The following EDARADD variants were observed in gnomAD, a reference collection of about 807,000 sequenced individuals.
The protein encoded by EDARADD is EDAR associated via death domain, also known as ectodysplasin-A receptor-associated adapter protein.
A neutral mutation model predicts 25.6 loss-of-function variants in EDARADD; 20 were observed. The ratio of observed to expected loss-of-function variants is 0.78; its 90% CI spans 0.55 to 1.14. The LOEUF (loss-of-function observed/expected upper bound fraction) is 1.14. Among genes scored for constraint, EDARADD ranks in the 50% most tolerant of loss-of-function variants. The pLI, the probability that EDARADD is intolerant of heterozygous loss-of-function variation, is 0.00. For missense variants in EDARADD, 225 were observed against 270.1 expected (o/e 0.83, Z 1.17); for synonymous variants, 86 against 94.4 (o/e 0.91, Z 0.52).
chr1:236,418,204 C>T lies in EDARADD; in HGVS notation c.160+3905C>T, dbSNP rs865840857. On this transcript the variant is annotated intron_variant, in intron 3 of 5. Coordinates refer to ENST00000334232, the MANE Select transcript of EDARADD (RefSeq NM_145861.4). ...TCCTGACTTCATGATCCACCTGCCT[C>T]GGCCTCCCAAAGTGCTGGGATTACA... is the stretch of plus-strand genomic sequence containing the variant. 5.3e-5 allele frequency among the ~76,000 whole-genome samples: 8 copies of T among 151,656 alleles called. No homozygotes were observed. In the South Asian group the frequency reaches 1.0e-3, roughly 20 times the overall value.
chr1:236,469,400 G>T (rs896284420), intron 5 of EDARADD, among the ~76,000 whole-genome samples: 3 of 152,148 alleles, frequency 2.0e-5, no homozygotes, highest in Non-Finnish European at 4.4e-5. Context: ...TTGAACCCGG[G>T]AGGCAAAGAT....
chr1:236,434,528 C>G (rs1658190836), intron 4 of EDARADD, among the ~76,000 whole-genome samples: 1 of 152,246 alleles, frequency 6.6e-6, no homozygotes, highest in South Asian at 2.1e-4. Context: ...GCGTGAGCCA[C>G]TGTGCCTGGC....
intron 4 of EDARADD, among the ~76,000 whole-genome samples, chr1:236,432,810 A>G (rs1458222500): frequency 1.3e-5 from 2 of 152,132 alleles, no homozygotes; most frequent in Non-Finnish European, 1.5e-5. Context: ...GCTTGAACTC[A>G]GGAGAGGAAG....
intron 4 of EDARADD, among the ~76,000 whole-genome samples, chr1:236,464,776 C>T (rs1455565942): frequency 6.6e-6 from 1 of 152,124 alleles, no homozygotes; most frequent in Non-Finnish European, 1.5e-5. Context: ...TTTTCTTCCC[C>T]TCTCTGACCT....
intron 3 of EDARADD, among the ~76,000 whole-genome samples, chr1:236,415,671 CT>C: frequency 1.3e-5 from 2 of 152,286 alleles, no homozygotes; most frequent in East Asian, 3.9e-4. Flanking sequence ...TCTTGAACTC[CT>C]GACCTCAGAT....
intron 4 of EDARADD, among the ~76,000 whole-genome samples, chr1:236,433,865 A>G (rs1658172373): frequency 7.0e-6 from 1 of 142,192 alleles, no homozygotes; most frequent in Admixed American, 7.4e-5. Flanking sequence ...GTGAGACTCC[A>G]TCTCAAAAAT....
chr1:236,393,445 G>A (rs540233563), upstream of EDARADD, among the ~76,000 whole-genome samples: 2 of 127,384 alleles, frequency 1.6e-5, no homozygotes, highest in Non-Finnish European at 3.1e-5. Context: ...GCCCAGGCTG[G>A]AGTGCCGTGG....
chr1:236,353,190 C>T (rs1311176201), intron 3 of EDARADD, among the ~76,000 whole-genome samples: 2 of 152,146 alleles, frequency 1.3e-5, no homozygotes, highest in African/African-American at 4.8e-5. Context: ...TCATCCCCCA[C>T]AGACCTGGGA....
intron 2 of EDARADD, among the ~76,000 whole-genome samples, chr1:236,411,836 C>A (rs974978097): frequency 6.6e-5 from 10 of 152,214 alleles, no homozygotes. Flanking sequence ...CAGGCGTGAG[C>A]CACCATGCCT....
At chr1:236,423,594 A>G (rs768474711) in intron 3 of EDARADD, among the ~76,000 whole-genome samples, 4 of 152,202 alleles carry the variant, frequency 2.6e-5, no homozygotes, top group Non-Finnish European at 2.9e-5. Flanking sequence ...GGCTCTTGAA[A>G]TGCCCCATGG....
chr1:236,382,895 G>A (rs1009761708), intron 3 of EDARADD, among the ~76,000 whole-genome samples: 17 of 152,048 alleles, frequency 1.1e-4, no homozygotes, highest in Non-Finnish European at 1.2e-4. Flanking sequence ...GGATGCATGC[G>A]CTGATCAATA....
chr1:236,429,218 G>GTTTTTTTTTTTTTT (rs1558121753), intron 4 of EDARADD, among the ~76,000 whole-genome samples: 1 of 121,222 alleles, frequency 8.2e-6, no homozygotes, highest in African/African-American at 3.2e-5. Flanking sequence ...GAGAGGGAGA[G>GTTTTTTTTTTTTTT]ATTTTTTTTT....
chr1:236,368,297 T>C (rs2102992921), intron 3 of EDARADD, among the ~76,000 whole-genome samples: 1 of 152,274 alleles, frequency 6.6e-6, no homozygotes, highest in African/African-American at 2.4e-5. Context: ...TTCCACCTCT[T>C]TCCAACCTTA....
At chr1:236,447,223 TCCTTTCTTTCCTTTCTTTCCTTTCTTTC>T (rs1558127478) in intron 4 of EDARADD, among the ~76,000 whole-genome samples, 16 of 39,828 alleles carry the variant, frequency 4.0e-4, no homozygotes, top group African/African-American at 9.6e-4. Context: ...TTTCTTTCTT[TCCTTTCTTTCCTTTCTTTCCTTTCTTTC>T]CTTTCTTTCT....
intron 3 of EDARADD, among the ~76,000 whole-genome samples, chr1:236,359,696 C>T (rs188891189): frequency 3.5e-4 from 54 of 152,264 alleles, no homozygotes; most frequent in Admixed American, 7.9e-4. Context: ...AGAGAGAGCT[C>T]GTGCAGGGGA....
intron 3 of EDARADD, among the ~76,000 whole-genome samples, chr1:236,359,794 T>G (rs2102991094): frequency 6.6e-6 from 1 of 152,274 alleles, no homozygotes; most frequent in East Asian, 1.9e-4. Flanking sequence ...ATGATTCAGT[T>G]ACCTCCTACA....
At chr1:236,375,931 G>C (rs1667218903) in intron 3 of EDARADD, among the ~76,000 whole-genome samples, 1 of 140,264 alleles carries the variant, frequency 7.1e-6, no homozygotes, top group Non-Finnish European at 1.5e-5. Flanking sequence ...TATTTTACCT[G>C]CACCTTTTTT....
chr1:236,458,774 G>C (rs1658955809), intron 4 of EDARADD, among the ~76,000 whole-genome samples: 1 of 151,216 alleles, frequency 6.6e-6, no homozygotes, highest in African/African-American at 2.4e-5. Context: ...CTCCCGAGTA[G>C]CTGGGATTAC....
chr1:236,363,006 A>AAATATATATATATATATATATAT (rs1377112051), intron 3 of EDARADD, among the ~76,000 whole-genome samples: 2 of 42,950 alleles, frequency 4.7e-5, no homozygotes, highest in African/African-American at 1.1e-4. Flanking sequence ...AAAAAAAAAA[A>AAATATATATATATATATATATAT]ATATATATAT....
Sources: gnomAD v4.1 joint callset for allele counts (sites outside exome capture counted in the v4.1 genomes callset) on GRCh38, gnomAD v4.1.1 for gene constraint, MANE v1.5 for transcripts, NCBI Gene and HGNC (gene_info 2026-07-23, HGNC 2026-07-21) for gene names.